The following FGF14 variants were observed in gnomAD, a reference collection of about 807,000 sequenced individuals.
The protein encoded by FGF14 is fibroblast growth factor homologous factor 4.
A neutral mutation model predicts 25.5 loss-of-function variants in FGF14; 5 were observed. That is an observed-to-expected ratio of 0.20 (90% confidence interval 0.10 to 0.41). The LOEUF (loss-of-function observed/expected upper bound fraction) is 0.41, where lower values mean the gene tolerates loss of function less well. Among genes scored for constraint, FGF14 ranks in the 10% least tolerant of loss-of-function variants. The pLI is 1.00. For synonymous variants in FGF14, 138 were observed against 118.3 expected, an observed-to-expected ratio of 1.17 and a Z score of -1.08; for missense variants, 222 against 320.1, an observed-to-expected ratio of 0.69 and a Z score of 2.34.
intron 1 of FGF14, among the ~76,000 whole-genome samples, chr13:102,396,044 G>T (rs1420196044): frequency 6.6e-6 from 1 of 152,184 alleles, no homozygotes; most frequent in Non-Finnish European, 1.5e-5. Context: ...TATACGGGGA[G>T]CTGAGAAGTC....
intron 1 of FGF14, among the ~76,000 whole-genome samples, chr13:102,326,865 A>C (rs1337179028): frequency 1.3e-5 from 2 of 152,218 alleles, no homozygotes; most frequent in African/African-American, 4.8e-5. Flanking sequence ...AGGGATCATG[A>C]AAACTAAAAT....
At position 102,331,800 on chromosome 13, in the gene FGF14, A is replaced by G. The variant is rs572311823; in HGVS notation, c.208+69671T>C. The stretch of plus-strand genomic sequence containing the variant: ...GAATTGGTAGTATAGCATCCTTACA[A>G]TATAAATGAGAAAAGTGAGGCGATC... On this transcript the variant is annotated intron_variant, in intron 1 of 4. Transcript: ENST00000376131. Among the ~76,000 whole-genome samples the G allele has an allele frequency of 3.3e-5, 5 of 152,312 alleles. No homozygotes were observed. The East Asian group carries it at 9.6e-4, about 29-fold the overall frequency.
chr13:102,161,140 G>C (rs1159841785), intron 1 of FGF14, among the ~76,000 whole-genome samples: 1 of 152,142 alleles, frequency 6.6e-6, no homozygotes, highest in Non-Finnish European at 1.5e-5. Context: ...AATTTACATG[G>C]ATCATTAATG....
At chr13:101,725,051 T>C (rs181837032) in intron 4 of FGF14, among the ~76,000 whole-genome samples, 5 of 152,122 alleles carry the variant, frequency 3.3e-5, no homozygotes, top group African/African-American at 1.2e-4. Context: ...TTTTGGGTTT[T>C]GTTACATTTA....
chr13:102,392,208 A>G (rs1258068481), intron 1 of FGF14, among the ~76,000 whole-genome samples: 1 of 152,202 alleles, frequency 6.6e-6, no homozygotes, highest in Non-Finnish European at 1.5e-5. Context: ...TCCTATCTAA[A>G]AAAGCACGTG....
chr13:101,897,714 A>AATAACCCAAT (rs2030909088), intron 1 of FGF14, among the ~76,000 whole-genome samples: 1 of 152,156 alleles, frequency 6.6e-6, no homozygotes, highest in South Asian at 2.1e-4. Context: ...AAAGTGAAAG[A>AATAACCCAAT]ATAACCCAAT....
intron 3 of FGF14, among the ~76,000 whole-genome samples, chr13:101,772,455 A>G (rs2038838504): frequency 6.6e-6 from 1 of 152,112 alleles, no homozygotes; most frequent in South Asian, 2.1e-4. Flanking sequence ...GAGATGATTA[A>G]TTATGTCTTG....
intron 1 of FGF14, among the ~76,000 whole-genome samples, chr13:101,880,087 G>C (rs926791147): frequency 2.0e-5 from 3 of 152,080 alleles, no homozygotes; most frequent in Non-Finnish European, 2.9e-5. Context: ...GCTACCTCGA[G>C]AACCCCTTCC....
intron 1 of FGF14, among the ~76,000 whole-genome samples, chr13:102,214,424 T>A (rs907844108): frequency 2.4e-4 from 36 of 152,258 alleles, no homozygotes; most frequent in African/African-American, 8.7e-4. Context: ...TGTATATAGG[T>A]TTTCCTTCCT....
intron 3 of FGF14, among the ~76,000 whole-genome samples, chr13:101,762,318 G>GT (rs2038079920): frequency 6.6e-6 from 1 of 152,194 alleles, no homozygotes; most frequent in African/African-American, 2.4e-5. Context: ...CTGGATAAGT[G>GT]TTTCAGTGAA....
At chr13:102,165,892 CT>C (rs2047985550) in intron 1 of FGF14, among the ~76,000 whole-genome samples, 1 of 151,508 alleles carries the variant, frequency 6.6e-6, no homozygotes, top group Non-Finnish European at 1.5e-5. Flanking sequence ...AATGAGGATA[CT>C]TATAAGTATG....
intron 1 of FGF14, among the ~76,000 whole-genome samples, chr13:101,913,631 CCT>C (rs1482271304): frequency 6.6e-6 from 1 of 152,068 alleles, no homozygotes; most frequent in African/African-American, 2.4e-5. Context: ...AATTTCTATG[CCT>C]CTTTTTTTTC....
At chr13:102,273,033 G>A (rs1361974561) in intron 1 of FGF14, among the ~76,000 whole-genome samples, 4 of 152,144 alleles carry the variant, frequency 2.6e-5, no homozygotes, top group Non-Finnish European at 4.4e-5. Context: ...GACCTGTCAC[G>A]AAATAAATAA....
chr13:102,363,411 T>C (rs533254119), intron 1 of FGF14, among the ~76,000 whole-genome samples: 2 of 152,284 alleles, frequency 1.3e-5, no homozygotes, highest in African/African-American at 4.8e-5. Flanking sequence ...GTATTTCACA[T>C]GGTCAACTGG....
At chr13:102,069,840 G>A (rs536064673) in intron 1 of FGF14, among the ~76,000 whole-genome samples, 1 of 152,322 alleles carries the variant, frequency 6.6e-6, no homozygotes, top group East Asian at 1.9e-4. Flanking sequence ...AGACACAACG[G>A]CTCACGCCTA....
intron 1 of FGF14, among the ~76,000 whole-genome samples, chr13:101,978,786 C>T (rs887110323): frequency 5.3e-5 from 8 of 152,054 alleles, no homozygotes; most frequent in African/African-American, 7.3e-5. Context: ...ACTGTGATTC[C>T]GGAAGCATGA....
At chr13:101,764,958 G>A (rs1646422838) in intron 3 of FGF14, among the ~76,000 whole-genome samples, 1 of 152,192 alleles carries the variant, frequency 6.6e-6, no homozygotes, top group African/African-American at 2.4e-5. Context: ...CTCAAGGACT[G>A]TAACTTCCCC....
intron 1 of FGF14, among the ~76,000 whole-genome samples, chr13:102,186,694 G>C (rs1170058540): frequency 6.6e-6 from 1 of 152,040 alleles, no homozygotes; most frequent in Non-Finnish European, 1.5e-5. Flanking sequence ...ACATGTTTAA[G>C]TTATATATTT....
At chr13:102,323,957 A>ATGTATGTG (rs1450436394) in intron 1 of FGF14, among the ~76,000 whole-genome samples, 32 of 136,524 alleles carry the variant, frequency 2.3e-4, no homozygotes, top group Non-Finnish European at 4.0e-4. Flanking sequence ...AACGTGCAGT[A>ATGTATGTG]TGTGTGTGTG....
Sources: gnomAD v4.1 joint callset for allele counts (sites outside exome capture counted in the v4.1 genomes callset) on GRCh38, gnomAD v4.1.1 for gene constraint, MANE v1.5 for transcripts, NCBI Gene and HGNC (gene_info 2026-07-23, HGNC 2026-07-21) for gene names.